SEPTIN6: variants seen among roughly 807,000 people sequenced by gnomAD.
SEPTIN6 encodes the protein septin-6.
Under a neutral mutation model 33.6 loss-of-function variants are expected in SEPTIN6, and 8 were observed. The observed-to-expected ratio is 0.24, with a 90% CI of 0.14 to 0.43. SEPTIN6 has a LOEUF of 0.43. Ranked by LOEUF, SEPTIN6 falls within the 20% of genes least tolerant of loss-of-function variation. SEPTIN6 has a pLI of 1.00. For synonymous variants in SEPTIN6, 131 were observed against 140.0 expected (o/e 0.94, Z 0.45); for missense variants, 250 against 340.8 (o/e 0.73, Z 2.10).
chrX:119,620,905 A>C (rs1428791238), intron 10 of SEPTIN6, among the ~76,000 whole-genome samples: 1 of 110,993 alleles, frequency 9.0e-6, no homozygotes, highest in Non-Finnish European at 1.9e-5. Context: ...TACTGGCGTG[A>C]GGCACTGAGC....
chrX:119,627,623 G>A (rs1480407608), intron 9 of SEPTIN6, among the ~76,000 whole-genome samples: 1 of 109,790 alleles, frequency 9.1e-6, no homozygotes, highest in Admixed American at 9.9e-5. Context: ...TTCACTGGCA[G>A]CAGTTAAATT....
intron 4 of SEPTIN6, among the ~76,000 whole-genome samples, chrX:119,651,138 T>TA (rs1256207659): frequency 9.0e-6 from 1 of 111,212 alleles, no homozygotes; most frequent in East Asian, 2.8e-4. Context: ...CCCCGGACTC[T>TA]AAAAGGGGAG....
chrX:119,624,230 CA>C (rs1276673497), intron 10 of SEPTIN6, among the ~76,000 whole-genome samples: 1 of 105,942 alleles, frequency 9.4e-6, no homozygotes, highest in East Asian at 2.9e-4. Flanking sequence ...GGCTGGAGTG[CA>C]AAGGTGCGAT....
chrX:119,658,725 T>C (rs2147563352), intron 3 of SEPTIN6, among the ~76,000 whole-genome samples: 1 of 112,699 alleles, frequency 8.9e-6, no homozygotes. Flanking sequence ...ATCTGATGGA[T>C]AAAAAATATT....
chrX:119,668,346 C>G (rs867417934), intron 2 of SEPTIN6, among the ~76,000 whole-genome samples: 8 of 109,272 alleles, frequency 7.3e-5, no homozygotes, highest in Non-Finnish European at 1.1e-4. Flanking sequence ...GAGAGAGAGA[C>G]AGAGAAAGAA....
chrX:119,692,982 A>G, intron 1 of SEPTIN6, 94 bp downstream of exon 1: 2 of 949,953 alleles, frequency 2.1e-6, no homozygotes, highest in Non-Finnish European at 3.0e-6. Flanking sequence ...GATGCTGCCC[A>G]CTGCCCTCCT....
intron 1 of SEPTIN6, among the ~76,000 whole-genome samples, chrX:119,689,550 G>A (rs1365591028): frequency 9.0e-6 from 1 of 111,012 alleles, no homozygotes; most frequent in Admixed American, 9.5e-5. Context: ...GTAGTGGCAC[G>A]ATCTCGGCTC....
rs1466959751 is a variant in SEPTIN6 at position 119,619,408 on chromosome X, G to A, written c.*685C>T. On this transcript the variant is annotated 3_prime_UTR_variant, in exon 11 of 11. Transcript: ENST00000394610. Reference sequence around the variant, plus strand: ...GGGGAAACGTCTGCTATTTTCTTCAGCAGTTGTGTTTTATGGGAAGGGCTT... The same window carrying A: ...GGGGAAACGTCTGCTATTTTCTTCAACAGTTGTGTTTTATGGGAAGGGCTT... The A allele has an allele frequency of 3.7e-6, 3 of 813,711 alleles. No homozygotes were observed. In the African/African-American group the frequency reaches 6.5e-5, roughly 18 times the overall value. 67.1% of individuals were successfully genotyped at this position (813,711 alleles called of 1,213,427 possible).
chrX:119,687,415 T>C (rs1264824109), intron 1 of SEPTIN6, among the ~76,000 whole-genome samples: 1 of 109,910 alleles, frequency 9.1e-6, no homozygotes, highest in Non-Finnish European at 1.9e-5. Flanking sequence ...CACGCCCGGC[T>C]AATTTTTTAA....
At chrX:119,625,448 C>T (rs749852416) in intron 9 of SEPTIN6, 69 bp from the exon 10 acceptor site, 1 of 1,023,318 alleles carries the variant, frequency 9.8e-7, no homozygotes, top group African/African-American at 1.9e-5. Flanking sequence ...TGACTTGACA[C>T]AAACAATGAA....
intron 1 of SEPTIN6, among the ~76,000 whole-genome samples, chrX:119,691,291 T>C (rs2055168058): frequency 1.8e-5 from 2 of 111,347 alleles, no homozygotes; most frequent in South Asian, 7.4e-4. Context: ...CTGGTGAGAG[T>C]ATGGAGGACA....
At chrX:119,642,971 T>C (rs1217756143) in intron 5 of SEPTIN6, among the ~76,000 whole-genome samples, 2 of 109,837 alleles carry the variant, frequency 1.8e-5, no homozygotes, top group African/African-American at 6.6e-5. Flanking sequence ...GGGTGTGGGG[T>C]GGAGGTGGGA....
At chrX:119,624,474 CTTA>C (rs1356092835) in intron 10 of SEPTIN6, among the ~76,000 whole-genome samples, 1 of 111,042 alleles carries the variant, frequency 9.0e-6, no homozygotes, top group Non-Finnish European at 1.9e-5. Flanking sequence ...TGCTCTCAGC[CTTA>C]TTATGGTTTT....
intron 7 of SEPTIN6, among the ~76,000 whole-genome samples, chrX:119,635,450 A>G (rs1039148182): frequency 1.1e-4 from 12 of 111,100 alleles, no homozygotes; most frequent in Admixed American, 8.7e-4. Flanking sequence ...CCCGGGGGGT[A>G]TATCAACATT....
chrX:119,650,121 G>A, intron 4 of SEPTIN6, 23 bp from the exon 5 acceptor site: 1 of 1,204,974 alleles, frequency 8.3e-7, no homozygotes, highest in Admixed American at 2.2e-5. Context: ...GGGGCAAAGT[G>A]GGGTCATTGT....
At position 119,625,244 on chromosome X, in the gene SEPTIN6, T is replaced by C. The variant is rs928429646; in HGVS notation, c.*41+91A>G. Reference sequence around the variant, plus strand: ...GCTAGACCAATGAAGCAGCTTCTTCTACGATTAGATGCTTGTGTTGGGGGT... The same window carrying C: ...GCTAGACCAATGAAGCAGCTTCTTCCACGATTAGATGCTTGTGTTGGGGGT... On this transcript the variant is annotated intron_variant, in intron 10 of 10. Coordinates refer to ENST00000394610, the MANE Select transcript of SEPTIN6 (RefSeq NM_145799.4). 6 of 600,049 alleles carry C rather than the reference T, an allele frequency of 1.0e-5. No homozygotes were observed. In the African/African-American group the frequency reaches 1.4e-4, roughly 14 times the overall value. The allele number at this position is 600,049 out of a possible 1,213,427, so 49.5% of individuals were successfully genotyped here.
In SEPTIN6 at chrX:119,619,757, G is replaced by T; in HGVS notation, c.*336C>A. The T allele has an allele frequency of 1.0e-6, 1 of 997,823 alleles. No individual in the cohort carries two copies. Among genetic ancestry groups the T allele is most frequent in the Non-Finnish European group, 1.3e-6 (1 of 788,183 alleles). 82.2% of individuals were successfully genotyped at this position (997,823 alleles called of 1,213,427 possible). On this transcript the variant is annotated 3_prime_UTR_variant, in exon 11 of 11. Coordinates refer to ENST00000394610, the MANE Select transcript of SEPTIN6 (RefSeq NM_145799.4). ...GCTGGTGGGAAAGAGTAGCAGATGG[G>T]CCCCCTGACCATGTCACACCTCTGG...
rs754512273 is a variant in SEPTIN6, at chrX:119,631,996, C to T, written c.1089+1364G>A. 2.0e-4 allele frequency among the ~76,000 whole-genome samples: 22 copies of T among 109,943 alleles called. 1 individual carries two copies. In the East Asian group the frequency reaches 6.3e-3, roughly 32 times the overall value. On this transcript the variant is annotated intron_variant, in intron 8 of 10. Coordinates refer to ENST00000394610, the MANE Select transcript of SEPTIN6 (RefSeq NM_145799.4). ...CAGGCTGGCCTCAAACTCCTGAACT[C>T]GTGATCCACCCACCTCGACCTCCCA...
chrX:119,666,023 A>G (rs2054630316), intron 2 of SEPTIN6, among the ~76,000 whole-genome samples: 1 of 107,541 alleles, frequency 9.3e-6, no homozygotes, highest in Non-Finnish European at 1.9e-5. Context: ...TGGAGCTTGC[A>G]GTGAGCTGAG....
Sources: allele counts gnomAD v4.1 joint callset (sites outside exome capture counted in the v4.1 genomes callset), GRCh38; gene constraint gnomAD v4.1.1; transcripts MANE v1.5; gene names NCBI Gene and HGNC (gene_info 2026-07-23, HGNC 2026-07-21).